ATF2: variants seen among roughly 807,000 people sequenced by gnomAD.
ATF2 encodes cyclic AMP-dependent transcription factor ATF-2.
Under a neutral mutation model 60.6 loss-of-function variants are expected in ATF2, and 24 were observed. That is an observed-to-expected ratio of 0.40 (90% CI 0.29 to 0.56). The LOEUF is 0.56. Ranked by LOEUF, ATF2 falls within the 20% of genes least tolerant of loss-of-function variation. The probability of loss-of-function intolerance (pLI) is 0.54; values close to 1 mark genes in which losing one functional copy is unlikely to be tolerated. For missense variants in ATF2, 433 were observed against 607.7 expected (o/e 0.71, Z 3.02); for synonymous variants, 206 against 215.4 (o/e 0.96, Z 0.38).
intron 3 of ATF2, among the ~76,000 whole-genome samples, chr2:175,132,253 T>C (rs1697786235): frequency 6.6e-6 from 1 of 152,256 alleles, no homozygotes; most frequent in Non-Finnish European, 1.5e-5. Context: ...CTTAGCTTTA[T>C]TGCACTGTGC....
At chr2:175,132,598 C>T (rs772956665) in intron 3 of ATF2, 4 of 152,060 alleles carry the variant, frequency 2.6e-5, no homozygotes, top group Non-Finnish European at 5.9e-5. Context: ...AGTTCAGTGG[C>T]TTTATAAGAA....
intron 10 of ATF2, among the ~76,000 whole-genome samples, chr2:175,107,965 T>C (rs946836528): frequency 5.9e-5 from 9 of 152,172 alleles, no homozygotes; most frequent in African/African-American, 2.2e-4. Context: ...AGTGCCGAGA[T>C]TGCACCCTCT....
intron 7 of ATF2, among the ~76,000 whole-genome samples, chr2:175,117,324 G>T (rs745320022): frequency 9.9e-5 from 15 of 151,924 alleles, no homozygotes; most frequent in Non-Finnish European, 2.1e-4. Context: ...CATGACAGAA[G>T]TCCATTAATA....
chr2:175,164,700 G>A (rs1330295398), intron 1 of ATF2, among the ~76,000 whole-genome samples: 1 of 151,544 alleles, frequency 6.6e-6, no homozygotes, highest in East Asian at 1.9e-4. Flanking sequence ...ATAGAAATAG[G>A]TGAATACTAT....
At chr2:175,107,136 C>A (rs1188676597) in intron 10 of ATF2, among the ~76,000 whole-genome samples, 1 of 152,042 alleles carries the variant, frequency 6.6e-6, no homozygotes, top group Non-Finnish European at 1.5e-5. Flanking sequence ...ATCAATCAAT[C>A]AATAAAAGAA....
intron 3 of ATF2, among the ~76,000 whole-genome samples, chr2:175,131,564 T>G (rs1374104540): frequency 6.6e-6 from 1 of 152,222 alleles, no homozygotes; most frequent in Non-Finnish European, 1.5e-5. Flanking sequence ...ATAAGCTATT[T>G]TATAACTAAA....
chr2:175,079,596 T>C (rs781355114), intron 13 of ATF2, among the ~76,000 whole-genome samples: 30 of 152,144 alleles, frequency 2.0e-4, no homozygotes, highest in Non-Finnish European at 4.3e-4. Flanking sequence ...TAAATATATA[T>C]GGCAATTGAG....
At chr2:175,084,547 T>G in intron 12 of ATF2, among the ~76,000 whole-genome samples, 2 of 143,652 alleles carry the variant, frequency 1.4e-5, no homozygotes, top group Admixed American at 7.1e-5. Context: ...TAATGCTAAA[T>G]GACGAGTTAA....
intron 10 of ATF2, among the ~76,000 whole-genome samples, chr2:175,099,534 C>T (rs1008310066): frequency 2.6e-5 from 4 of 152,172 alleles, no homozygotes; most frequent in African/African-American, 4.8e-5. Context: ...GCCCTGGAAA[C>T]GACTGATCTG....
At chr2:175,108,267 G>A (rs1423225821) in intron 10 of ATF2, among the ~76,000 whole-genome samples, 17 of 151,496 alleles carry the variant, frequency 1.1e-4, no homozygotes, top group African/African-American at 3.2e-4. Context: ...CAGCCGCCCC[G>A]TCTGGGAAGC....
At chr2:175,085,423 G>C (rs758291849) in intron 12 of ATF2, among the ~76,000 whole-genome samples, 14 of 151,952 alleles carry the variant, frequency 9.2e-5, no homozygotes, top group Non-Finnish European at 1.8e-4. Flanking sequence ...TAATCCCAGC[G>C]ACTTGGAAGG....
intron 4 of ATF2, among the ~76,000 whole-genome samples, chr2:175,128,258 T>C (rs911752387): frequency 2.0e-5 from 3 of 152,216 alleles, no homozygotes; most frequent in African/African-American, 7.2e-5. Flanking sequence ...CTCAGCACTT[T>C]GGGAGGCCGA....
chr2:175,144,924 T>TATGTAATACGTGAATTACATACATCCACG (rs1463084535), intron 2 of ATF2, among the ~76,000 whole-genome samples: 20 of 152,198 alleles, frequency 1.3e-4, no homozygotes, highest in African/African-American at 4.8e-4. Flanking sequence ...AGGCAATTCA[T>TATGTAATACGTGAATTACATACATCCACG]TATGTAAATA....
At chr2:175,097,392 C>CT in intron 11 of ATF2, 52 bp downstream of exon 11, 1 of 1,595,368 alleles carries the variant, frequency 6.3e-7, no homozygotes, top group Non-Finnish European at 8.5e-7. Context: ...TTACACTGTA[C>CT]TTTTCTGTTT....
chr2:175,110,840 A>AG (rs1696129474), intron 10 of ATF2, among the ~76,000 whole-genome samples: 1 of 152,140 alleles, frequency 6.6e-6, no homozygotes, highest in Non-Finnish European at 1.5e-5. Context: ...TCCTGACCTT[A>AG]GGTGATCTGC....
At chr2:175,099,310 G>T (rs192072475) in intron 10 of ATF2, among the ~76,000 whole-genome samples, 202 of 152,062 alleles carry the variant, frequency 1.3e-3, no homozygotes, top group Middle Eastern at 3.4e-3. Flanking sequence ...TGCCATGTTG[G>T]CCAGGCTGGT....
At chr2:175,163,619 C>T (rs537159478) in intron 1 of ATF2, among the ~76,000 whole-genome samples, 145 of 151,156 alleles carry the variant, frequency 9.6e-4, no homozygotes, top group African/African-American at 3.3e-3. Flanking sequence ...TGTCAAAATG[C>T]CAAGGAAAAA....
chr2:175,150,460 A>AT (rs1699235186), intron 2 of ATF2, among the ~76,000 whole-genome samples: 1 of 152,100 alleles, frequency 6.6e-6, no homozygotes, highest in African/African-American at 2.4e-5. Flanking sequence ...TAGAAAAAAA[A>AT]ATTTTTTTTT....
chr2:175,146,817 T>C (rs909708310), intron 2 of ATF2, among the ~76,000 whole-genome samples: 5 of 152,188 alleles, frequency 3.3e-5, no homozygotes, highest in Admixed American at 6.5e-5. Flanking sequence ...ATAGCATGTA[T>C]AGGGCTCAGT....
Sources: allele counts gnomAD v4.1 joint callset (sites outside exome capture counted in the v4.1 genomes callset), GRCh38; gene constraint gnomAD v4.1.1; transcripts MANE v1.5; gene names NCBI Gene and HGNC (gene_info 2026-07-23, HGNC 2026-07-21).